Variants in FGF10 observed in about 807,000 individuals in gnomAD.
The protein encoded by FGF10 is FGF-10.
In FGF10, 2 loss-of-function variants were observed where a neutral mutation model predicts 19.8. That is an observed-to-expected ratio of 0.10 (90% confidence interval 0.04 to 0.32). The LOEUF is 0.32. Ranked by LOEUF, FGF10 falls within the 10% of genes least tolerant of loss-of-function variation. FGF10 has a pLI of 1.00. For missense variants in FGF10, 191 were observed against 246.3 expected, an observed-to-expected ratio of 0.78 and a Z score of 1.50; for synonymous variants, 112 against 94.0, an observed-to-expected ratio of 1.19 and a Z score of -1.10.
At chr5:44,315,957 T>C (rs886921739) in intron 1 of FGF10, among the ~76,000 whole-genome samples, 5 of 152,168 alleles carry the variant, frequency 3.3e-5, no homozygotes, top group African/African-American at 1.2e-4. Flanking sequence ...TAATGTCCCA[T>C]GGACCAATAT....
intron 1 of FGF10, among the ~76,000 whole-genome samples, chr5:44,320,516 T>G (rs1740460855): frequency 6.6e-6 from 1 of 152,128 alleles, no homozygotes; most frequent in Admixed American, 6.6e-5. Context: ...ATTCAGCATT[T>G]AAAAGAAAAT....
In FGF10 at chr5:44,302,860, G is replaced by A. The variant is rs762963964; in HGVS notation, c.*2135C>T. On this transcript the variant is annotated 3_prime_UTR_variant, in exon 3 of 3. Coordinates refer to ENST00000264664, the MANE Select transcript of FGF10 (RefSeq NM_004465.2). ...TAAGAATCCAGTTTGTGCCCTGTTTGCTGTTACTGTGGTCATCCAATGTGT... is the reference window on the plus strand; with the variant it reads ...TAAGAATCCAGTTTGTGCCCTGTTTACTGTTACTGTGGTCATCCAATGTGT... 2.6e-5 allele frequency among the ~76,000 whole-genome samples: 4 copies of A among 152,094 alleles called. No individual in the cohort carries two copies. Among genetic ancestry groups the A allele is most frequent in the Non-Finnish European group, 5.9e-5 (4 of 68,004 alleles).
intron 2 of FGF10, among the ~76,000 whole-genome samples, chr5:44,308,692 C>CA (rs982548609): frequency 3.3e-5 from 5 of 151,612 alleles, no homozygotes; most frequent in South Asian, 4.2e-4. Context: ...GACCCCCATG[C>CA]AAAAAAAAGC....
rs1465161768 is a variant in FGF10 at position 44,347,151 on chromosome 5, T to A, written c.326-36621A>T. 2.0e-5 allele frequency among the ~76,000 whole-genome samples: 3 copies of A among 151,684 alleles called. No homozygotes were observed. The East Asian group carries it at 5.9e-4, about 30-fold the overall frequency. On this transcript the variant is annotated intron_variant, in intron 1 of 2. Transcript: ENST00000264664. ...AGAAAAAAATAGATAATTGAATGAA[T>A]GGATGAATCTATCCCTCATGAAGTT...
rs1030884457 is a variant in FGF10, at chr5:44,302,905, T to C, written c.*2090A>G. Among the ~76,000 whole-genome samples the C allele has an allele frequency of 2.6e-5, 4 of 152,180 alleles. No individual in the cohort carries two copies. The highest frequency in any genetic ancestry group is 6.6e-5 in the Admixed American group (1 of 15,266). On this transcript the variant is annotated 3_prime_UTR_variant, in exon 3 of 3. Transcript: ENST00000264664. ...ATGTGTATTTGTCTTACCAAACATTTAATTTTGGTTGTGGGTGGTCTATGT... is the reference window on the plus strand; with the variant it reads ...ATGTGTATTTGTCTTACCAAACATTCAATTTTGGTTGTGGGTGGTCTATGT...
chr5:44,361,196 G>C (rs1741474964), intron 1 of FGF10, among the ~76,000 whole-genome samples: 1 of 151,682 alleles, frequency 6.6e-6, no homozygotes, highest in Admixed American at 6.6e-5. Flanking sequence ...CAGAGGGTTT[G>C]CTAGTTCAGC....
chr5:44,301,463 AT>A lies in FGF10; in HGVS notation c.*3531del, dbSNP rs147201733. On this transcript the variant is annotated 3_prime_UTR_variant, in exon 3 of 3. Transcript: ENST00000264664. ...CTGGAAGCAACTTGCATTATTATGT[AT>A]TTTTTCTCTCTAATTTTCAAATCAA... Among the ~76,000 whole-genome samples, 11,036 of 152,174 alleles carry A rather than the reference AT, an allele frequency of 0.073. 534 individuals carry two copies. Among genetic ancestry groups the A allele is most frequent in the Middle Eastern group, 0.11 (32 of 294 alleles).
At chr5:44,312,230 G>A (rs1393427112) in intron 1 of FGF10, among the ~76,000 whole-genome samples, 1 of 151,204 alleles carries the variant, frequency 6.6e-6, no homozygotes, top group Non-Finnish European at 1.5e-5. Flanking sequence ...ACATTTATTT[G>A]CATATTCTGA....
intron 1 of FGF10, among the ~76,000 whole-genome samples, chr5:44,315,315 G>A (rs1740313014): frequency 6.6e-6 from 1 of 152,076 alleles, no homozygotes; most frequent in African/African-American, 2.4e-5. Flanking sequence ...TCAAGAGCAG[G>A]GTTTTAATAG....
chr5:44,367,897 A>G (rs1411529165), intron 1 of FGF10, among the ~76,000 whole-genome samples: 1 of 151,852 alleles, frequency 6.6e-6, no homozygotes, highest in East Asian at 1.9e-4. Flanking sequence ...CTAATACACA[A>G]AGTAATTTAA....
chr5:44,377,768 C>T (rs1425909130), intron 1 of FGF10, among the ~76,000 whole-genome samples: 1 of 152,142 alleles, frequency 6.6e-6, no homozygotes, highest in Non-Finnish European at 1.5e-5. Context: ...AATGTGATAT[C>T]TTGGGGATGG....
intron 1 of FGF10, among the ~76,000 whole-genome samples, chr5:44,346,295 T>C (rs977125196): frequency 6.6e-6 from 1 of 151,798 alleles, no homozygotes; most frequent in Non-Finnish European, 1.5e-5. Context: ...TTTTTTCTCA[T>C]TTGTATATTT....
chr5:44,332,795 G>T (rs1740767128), intron 1 of FGF10, among the ~76,000 whole-genome samples: 1 of 152,038 alleles, frequency 6.6e-6, no homozygotes, highest in Non-Finnish European at 1.5e-5. Context: ...TTTGGCACAG[G>T]ATATGAAAGA....
At chr5:44,370,284 C>T (rs911172234) in intron 1 of FGF10, among the ~76,000 whole-genome samples, 2 of 152,130 alleles carry the variant, frequency 1.3e-5, no homozygotes, top group African/African-American at 4.8e-5. Context: ...ATGCACAACT[C>T]TTATCTGTGG....
chr5:44,337,801 C>T (rs779650771), intron 1 of FGF10, among the ~76,000 whole-genome samples: 19 of 152,124 alleles, frequency 1.2e-4, no homozygotes, highest in African/African-American at 4.1e-4. Flanking sequence ...ATTAGCCAGG[C>T]GTAGTGGCAT....
intron 1 of FGF10, among the ~76,000 whole-genome samples, chr5:44,379,539 T>G (rs1279948832): frequency 2.0e-5 from 3 of 152,190 alleles, no homozygotes; most frequent in Non-Finnish European, 4.4e-5. Flanking sequence ...TTTATCCCTT[T>G]GAATCAAAGC....
At chr5:44,368,230 A>G (rs576381242) in intron 1 of FGF10, among the ~76,000 whole-genome samples, 1 of 152,212 alleles carries the variant, frequency 6.6e-6, no homozygotes, top group East Asian at 1.9e-4. Flanking sequence ...AATCATAGTC[A>G]CTAATAGGGG....
chr5:44,352,602 T>C (rs927192171), intron 1 of FGF10, among the ~76,000 whole-genome samples: 8 of 151,648 alleles, frequency 5.3e-5, no homozygotes, highest in African/African-American at 1.9e-4. Context: ...GTACATGATT[T>C]GGACATTCTC....
chr5:44,339,554 C>T (rs892014778), intron 1 of FGF10, among the ~76,000 whole-genome samples: 11 of 152,154 alleles, frequency 7.2e-5, no homozygotes, highest in Non-Finnish European at 1.3e-4. Context: ...ATCTAAAATG[C>T]AATGATAACC....
Sources: allele counts gnomAD v4.1 joint callset (sites outside exome capture counted in the v4.1 genomes callset), GRCh38; gene constraint gnomAD v4.1.1; transcripts MANE v1.5; gene names NCBI Gene and HGNC (gene_info 2026-07-23, HGNC 2026-07-21).